The following RARB variants were observed in gnomAD, a reference collection of about 807,000 sequenced individuals.
RARB encodes HBV-activated protein.
RARB carries 17 observed loss-of-function variants against 51.9 expected under a neutral mutation model. The observed-to-expected ratio is 0.33, with a 90% CI of 0.22 to 0.49. RARB has a LOEUF of 0.49. Among genes scored for constraint, RARB ranks in the 20% least tolerant of loss-of-function variants. RARB has a pLI of 0.99. For missense variants in RARB, 369 were observed against 550.8 expected (o/e 0.67, Z 3.30); for synonymous variants, 215 against 195.4 (o/e 1.10, Z -0.84).
At chr3:25,224,078 G>T (rs1702003087) in intron 5 of RARB, among the ~76,000 whole-genome samples, 1 of 152,168 alleles carries the variant, frequency 6.6e-6, no homozygotes, top group Non-Finnish European at 1.5e-5. Context: ...AGATGATTTA[G>T]TCTAATGTCC....
At chr3:25,471,008 A>C (rs1474141437) in intron 2 of RARB, among the ~76,000 whole-genome samples, 1 of 152,252 alleles carries the variant, frequency 6.6e-6, no homozygotes, top group East Asian at 1.9e-4. Context: ...TAATTAGTGT[A>C]GTTATAAATA....
intron 2 of RARB, among the ~76,000 whole-genome samples, chr3:24,859,832 G>A (rs1408045240): frequency 6.6e-6 from 1 of 152,202 alleles, no homozygotes; most frequent in African/African-American, 2.4e-5. Flanking sequence ...CCCTGGATAA[G>A]ATGCAAAGGA....
intron 5 of RARB, among the ~76,000 whole-genome samples, chr3:25,265,071 G>A (rs1158100578): frequency 6.6e-6 from 1 of 152,150 alleles, no homozygotes; most frequent in African/African-American, 2.4e-5. Flanking sequence ...ATCTGCCAAT[G>A]CCTTGATCTT....
chr3:25,151,361 CTCTTT>C (rs1346211886), intron 4 of RARB, among the ~76,000 whole-genome samples: 1 of 152,230 alleles, frequency 6.6e-6, no homozygotes, highest in African/African-American at 2.4e-5. Context: ...ATTTTGTTCT[CTCTTT>C]TCTTTAATCG....
At chr3:25,280,792 A>G (rs1313442578) in intron 5 of RARB, among the ~76,000 whole-genome samples, 1 of 152,016 alleles carries the variant, frequency 6.6e-6, no homozygotes, top group East Asian at 1.9e-4. Context: ...TTGATTTGCC[A>G]TTTTTTGCTT....
rs760956332 is a variant in RARB at position 25,461,246 on chromosome 3, C to A, written c.211C>A (p.Pro71Thr). 1.2e-6 allele frequency: 2 copies of A among 1,614,098 alleles called. No individual in the cohort carries two copies. The highest frequency in any genetic ancestry group is 3.3e-5 in the Admixed American group (2 of 60,018). The change falls in exon 2 of 8, where the codon CCA becomes ACA. Residue 71 changes from proline (P) to threonine (T), a missense_variant. This residue lies in a region of RARB where 99 missense variants were observed against 95.1 expected (regional missense o/e 1.04). Coordinates refer to ENST00000330688, the MANE Select transcript of RARB (RefSeq NM_000965.5). Reference sequence around the variant, plus strand: ...GGAACTCGTCCCAAGCCCCCCATCTCCACTTCCTCCCCCTCGAGTGTACAA... The same window carrying A: ...GGAACTCGTCCCAAGCCCCCCATCTACACTTCCTCCCCCTCGAGTGTACAA... ...SEELVPSPPS[P>T]LPPPRVYKPC...
intron 5 of RARB, chr3:25,324,053 C>A (rs1559357427): frequency 6.6e-6 from 1 of 152,134 alleles, no homozygotes; most frequent in Admixed American, 6.5e-5. Context: ...TCAAGAAAAT[C>A]ATTGATTTCT....
chr3:25,184,894 A>G (rs1282740526), intron 5 of RARB, among the ~76,000 whole-genome samples: 1 of 152,132 alleles, frequency 6.6e-6, no homozygotes, highest in Non-Finnish European at 1.5e-5. Flanking sequence ...CCTGTGTCCA[A>G]AAAAAGAAAG....
At chr3:25,297,250 G>T (rs560700258) in intron 5 of RARB, among the ~76,000 whole-genome samples, 1 of 152,100 alleles carries the variant, frequency 6.6e-6, no homozygotes. Context: ...AGGGAATTAA[G>T]GTCTAGATAT....
chr3:25,229,729 T>A (rs1335097296), intron 5 of RARB, among the ~76,000 whole-genome samples: 2 of 110,100 alleles, frequency 1.8e-5, no homozygotes, highest in African/African-American at 7.1e-5. Flanking sequence ...AAGCATTAAA[T>A]TGAGCATTCA....
chr3:24,939,776 G>A lies in RARB; in HGVS notation c.-380+81024G>A, dbSNP rs570021971. Reference sequence around the variant, plus strand: ...CTGGGCTTCCATTGTTCCAATACTGGAAGTTAATTTGTTAGCACCCTATAA... The same window carrying A: ...CTGGGCTTCCATTGTTCCAATACTGAAAGTTAATTTGTTAGCACCCTATAA... On this transcript the variant is annotated intron_variant, in intron 2 of 11. Transcript: ENST00000383772. 2.0e-4 allele frequency among the ~76,000 whole-genome samples: 30 copies of A among 152,226 alleles called. No homozygotes were observed. The East Asian group carries it at 5.8e-3, about 29-fold the overall frequency.
chr3:24,925,023 C>T (rs1695288167), intron 2 of RARB, among the ~76,000 whole-genome samples: 1 of 152,086 alleles, frequency 6.6e-6, no homozygotes, highest in African/African-American at 2.4e-5. Context: ...TGCCCCTTCA[C>T]CCAATATTCT....
chr3:25,366,784 T>C (rs1706132940), intron 5 of RARB, among the ~76,000 whole-genome samples: 1 of 152,222 alleles, frequency 6.6e-6, no homozygotes, highest in African/African-American at 2.4e-5. Context: ...ATTCTTTGGA[T>C]AGTCTCCAGT....
intron 5 of RARB, among the ~76,000 whole-genome samples, chr3:25,300,103 C>T (rs902144347): frequency 3.9e-5 from 6 of 152,220 alleles, no homozygotes; most frequent in Admixed American, 6.5e-5. Flanking sequence ...GATGATATCA[C>T]ATGAAATAAT....
intron 5 of RARB, among the ~76,000 whole-genome samples, chr3:25,258,470 C>T (rs1468085356): frequency 6.6e-6 from 1 of 152,096 alleles, no homozygotes; most frequent in African/African-American, 2.4e-5. Flanking sequence ...ATTCTGATAA[C>T]ATGATCTAGC....
In RARB at chr3:25,428,316, G is replaced by C; in HGVS notation, c.-416G>C. On this transcript the variant is annotated 5_prime_UTR_variant, in exon 1 of 8. Transcript: ENST00000330688. Reference sequence around the variant, plus strand: ...TCAGAGGCAGGAGGGTCTATTCTTTGCCAAAGGGGGGACCAGAATTCCCCC... The same window carrying C: ...TCAGAGGCAGGAGGGTCTATTCTTTCCCAAAGGGGGGACCAGAATTCCCCC... 8.0e-7 allele frequency: 1 copy of C among 1,245,960 alleles called. No individual in the cohort carries two copies. Among genetic ancestry groups the C allele is most frequent in the Non-Finnish European group, 1.0e-6 (1 of 995,916 alleles). 77.2% of individuals were successfully genotyped at this position (1,245,960 alleles called of 1,614,324 possible).
At chr3:25,488,307 C>G (rs1696565287) in intron 2 of RARB, among the ~76,000 whole-genome samples, 1 of 152,130 alleles carries the variant, frequency 6.6e-6, no homozygotes, top group Non-Finnish European at 1.5e-5. Flanking sequence ...AGAAGGCCAG[C>G]CATGTCCAAG....
intron 2 of RARB, among the ~76,000 whole-genome samples, chr3:25,484,054 G>T (rs13314209): frequency 6.6e-6 from 1 of 152,028 alleles, no homozygotes; most frequent in Non-Finnish European, 1.5e-5. Context: ...AAAATGTTCC[G>T]TTAGTGAAGG....
chr3:25,247,291 A>G (rs1339840313), intron 5 of RARB, among the ~76,000 whole-genome samples: 1 of 152,172 alleles, frequency 6.6e-6, no homozygotes, highest in Non-Finnish European at 1.5e-5. Context: ...CATGACCACT[A>G]GTATCACTGT....
Sources: gnomAD v4.1 joint callset for allele counts (sites outside exome capture counted in the v4.1 genomes callset) on GRCh38, gnomAD v4.1.1 for gene constraint, gnomAD v4.1.1 regional missense constraint, MANE v1.5 for transcripts, NCBI Gene and HGNC (gene_info 2026-07-23, HGNC 2026-07-21) for gene names.